ANXA8: variants seen among roughly 807,000 people sequenced by gnomAD.
ANXA8 encodes the protein VAC-beta.
In ANXA8, 9 loss-of-function variants were observed where a neutral mutation model predicts 26.8. That is an observed-to-expected ratio of 0.34 (90% CI 0.20 to 0.59). The LOEUF (loss-of-function observed/expected upper bound fraction) is 0.59, where lower values mean the gene tolerates loss of function less well. Among genes scored for constraint, ANXA8 ranks in the 20% least tolerant of loss-of-function variants. The pLI, the probability that ANXA8 is intolerant of heterozygous loss-of-function variation, is 0.84. For synonymous variants in ANXA8, 39 were observed against 94.8 expected (o/e 0.41, Z 3.42); for missense variants, 83 against 238.5 (o/e 0.35, Z 4.29).
the ANXA8 span, among the ~76,000 whole-genome samples, chr10:47,955,336 G>A: frequency 4.0e-3 from 590 of 146,988 alleles, 3 homozygotes; most frequent in East Asian, 0.023. Context: ...CTTGAAAATG[G>A]ATTAATACAC....
the ANXA8 span, chr10:47,715,895 T>C: frequency 1.4e-6 from 1 of 715,492 alleles, no homozygotes; most frequent in Non-Finnish European, 2.3e-6. Flanking sequence ...CTATTTTTAT[T>C]TCTTTTGAAA....
chr10:47,498,048 C>A, the ANXA8 span, among the ~76,000 whole-genome samples: 1 of 150,784 alleles, frequency 6.6e-6, no homozygotes, highest in African/African-American at 2.5e-5. Flanking sequence ...TCAAGGAGAG[C>A]CCTTGGGTTG....
At chr10:47,899,140 A>G in the ANXA8 span, among the ~76,000 whole-genome samples, 1 of 151,318 alleles carries the variant, frequency 6.6e-6, no homozygotes, top group Non-Finnish European at 1.5e-5. Context: ...GCCCCGCTGA[A>G]GAGAATGGAT....
At chr10:47,684,251 T>C in the ANXA8 span, among the ~76,000 whole-genome samples, 3 of 152,248 alleles carry the variant, frequency 2.0e-5, no homozygotes, top group African/African-American at 4.8e-5. Context: ...ATAATTTGGC[T>C]ATCATACATA....
the ANXA8 span, among the ~76,000 whole-genome samples, chr10:47,501,145 G>A: frequency 4.7e-3 from 639 of 136,826 alleles, 34 homozygotes; most frequent in African/African-American, 0.015. Flanking sequence ...CTCATGATCC[G>A]CCTGCCTCGG....
chr10:47,495,847 A>G, the ANXA8 span, among the ~76,000 whole-genome samples: 1 of 151,372 alleles, frequency 6.6e-6, no homozygotes, highest in Non-Finnish European at 1.5e-5. Flanking sequence ...CCCAGGGGGG[A>G]ATCTTCACTG....
At chr10:47,490,100 G>T in the ANXA8 span, among the ~76,000 whole-genome samples, 1 of 150,732 alleles carries the variant, frequency 6.6e-6, no homozygotes, top group South Asian at 2.1e-4. Context: ...ACCCCTCTCA[G>T]GATGTGCTAG....
At chr10:47,932,728 T>TTCTCTCTC in the ANXA8 span, among the ~76,000 whole-genome samples, 1 of 58,718 alleles carries the variant, frequency 1.7e-5, no homozygotes, top group Admixed American at 1.7e-4. Context: ...TTCTCTGTCT[T>TTCTCTCTC]TCTGTCTCTC....
chr10:47,720,600 C>T, the ANXA8 span, among the ~76,000 whole-genome samples: 18 of 142,706 alleles, frequency 1.3e-4, 2 homozygotes, highest in Admixed American at 1.4e-4. Flanking sequence ...TTCTCTTTAC[C>T]TTATAAATTA....
chr10:47,640,728 G>A, the ANXA8 span, among the ~76,000 whole-genome samples: 2 of 127,862 alleles, frequency 1.6e-5, 1 homozygote, highest in African/African-American at 7.0e-5. Flanking sequence ...AAGAAATTGC[G>A]CATTTCACTC....
At chr10:47,969,587 A>T in the ANXA8 span, among the ~76,000 whole-genome samples, 48,266 of 141,270 alleles carry the variant, frequency 0.34, 7,355 homozygotes, top group South Asian at 0.51. Flanking sequence ...TTCTCCCTCC[A>T]TTGTCACAGC....
the ANXA8 span, among the ~76,000 whole-genome samples, chr10:47,560,634 C>T: frequency 6.6e-6 from 1 of 152,008 alleles, no homozygotes. Context: ...ATGTTCCTCG[C>T]AGTTGTGACG....
the ANXA8 span, chr10:47,490,221 G>A: frequency 1.7e-5 from 3 of 175,536 alleles, no homozygotes; most frequent in Admixed American, 1.1e-4. Flanking sequence ...TTTAAAGTGT[G>A]GGTGGTAGCG....
At chr10:47,941,793 G>A in the ANXA8 span, among the ~76,000 whole-genome samples, 4 of 147,880 alleles carry the variant, frequency 2.7e-5, no homozygotes, top group African/African-American at 7.8e-5. Context: ...CACCTACTAT[G>A]GGCCAGGCCC....
At chr10:47,736,899 C>T in the ANXA8 span, among the ~76,000 whole-genome samples, 1 of 151,524 alleles carries the variant, frequency 6.6e-6, no homozygotes, top group Non-Finnish European at 1.5e-5. Flanking sequence ...AAGTGATCTG[C>T]CTGCCTCAGC....
chr10:47,746,774 A>G, the ANXA8 span, among the ~76,000 whole-genome samples: 1 of 116,676 alleles, frequency 8.6e-6, no homozygotes, highest in Non-Finnish European at 1.8e-5. Flanking sequence ...TATGGCATTG[A>G]CATGTTGTGA....
At chr10:47,523,241 A>T in the ANXA8 span, 2 of 1,574,168 alleles carry the variant, frequency 1.3e-6, no homozygotes, top group South Asian at 2.2e-5. Flanking sequence ...CCTCAAAGGG[A>T]ACCTTGGGGA....
chr10:47,940,821 C>T, the ANXA8 span, among the ~76,000 whole-genome samples: 1 of 139,438 alleles, frequency 7.2e-6, no homozygotes, highest in Non-Finnish European at 1.5e-5. Context: ...GAGTGAGATT[C>T]CATCTCAAAA....
chr10:47,487,644 T>C (rs1266455010), upstream of ANXA8, among the ~76,000 whole-genome samples: 1,211 of 137,694 alleles, frequency 8.8e-3, no homozygotes, highest in African/African-American at 0.035. Flanking sequence ...TGCCTGCTTA[T>C]CCTTTTTTCT....
Sources: gnomAD v4.1 joint callset for allele counts (sites outside exome capture counted in the v4.1 genomes callset) on GRCh38, gnomAD v4.1.1 for gene constraint, MANE v1.5 for transcripts, NCBI Gene and HGNC (gene_info 2026-07-23, HGNC 2026-07-21) for gene names.